DOCK10: variants seen among roughly 807,000 people sequenced by gnomAD.
DOCK10 encodes dedicator of cytokinesis protein 10.
A neutral mutation model predicts 280.1 loss-of-function variants in DOCK10; 145 were observed. The observed-to-expected ratio is 0.52, with a 90% confidence interval of 0.45 to 0.59. DOCK10 has a LOEUF of 0.59. DOCK10 is among the 20% of genes least tolerant of loss of function. The pLI is 0.00. For missense variants in DOCK10, 2,368 were observed against 2,651.7 expected (o/e 0.89, Z 2.35); for synonymous variants, 915 against 942.2 (o/e 0.97, Z 0.53).
chr2:224,953,079 CAT>C (rs1197158365), intron 1 of DOCK10, among the ~76,000 whole-genome samples: 2 of 151,912 alleles, frequency 1.3e-5, no homozygotes, highest in African/African-American at 2.4e-5. Context: ...GTAACAGAAA[CAT>C]AGTGCTTAAG....
intron 47 of DOCK10, among the ~76,000 whole-genome samples, chr2:224,790,110 T>C (rs1692062329): frequency 6.6e-6 from 1 of 152,204 alleles, no homozygotes; most frequent in Admixed American, 6.5e-5. Flanking sequence ...TCTTTTACAT[T>C]ATGTAGAAAC....
At chr2:224,836,364 G>T (rs962011135) in intron 25 of DOCK10, among the ~76,000 whole-genome samples, 3 of 152,120 alleles carry the variant, frequency 2.0e-5, no homozygotes, top group African/African-American at 7.2e-5. Flanking sequence ...GGATCTTATT[G>T]GGTAAAATTA....
At chr2:224,798,114 G>A (rs1692713158) in intron 41 of DOCK10, 145 bp from the exon 42 acceptor site, 2 of 759,376 alleles carry the variant, frequency 2.6e-6, no homozygotes, top group South Asian at 1.8e-5. Context: ...CACAGTTCAT[G>A]TTTACTGTGA....
intron 1 of DOCK10, among the ~76,000 whole-genome samples, chr2:224,999,694 C>T (rs2126282511): frequency 7.0e-6 from 1 of 143,576 alleles, no homozygotes; most frequent in African/African-American, 2.6e-5. Context: ...GGAAAATATC[C>T]ATAAACACTA....
intron 50 of DOCK10, among the ~76,000 whole-genome samples, chr2:224,784,433 G>T (rs1691589739): frequency 1.3e-5 from 2 of 152,082 alleles, no homozygotes; most frequent in South Asian, 4.1e-4. Context: ...TAAGATACGT[G>T]GTACCCATAC....
At chr2:224,980,259 G>A (rs1705676137) in intron 1 of DOCK10, among the ~76,000 whole-genome samples, 1 of 152,156 alleles carries the variant, frequency 6.6e-6, no homozygotes, top group Non-Finnish European at 1.5e-5. Flanking sequence ...AGAGTCTTTG[G>A]GGTCAAGAGC....
intron 19 of DOCK10, among the ~76,000 whole-genome samples, chr2:224,846,391 A>G (rs1004380915): frequency 2.0e-5 from 3 of 152,148 alleles, no homozygotes; most frequent in Non-Finnish European, 2.9e-5. Flanking sequence ...TTGGCAGTTC[A>G]TTAGAAATGC....
At chr2:224,859,710 A>G (rs1393636928) in intron 14 of DOCK10, among the ~76,000 whole-genome samples, 3 of 152,198 alleles carry the variant, frequency 2.0e-5, no homozygotes, top group African/African-American at 4.8e-5. Flanking sequence ...CTTAGGGCAC[A>G]CTGAAATCTA....
At chr2:224,902,011 C>A (rs903580194) in intron 3 of DOCK10, among the ~76,000 whole-genome samples, 2 of 152,142 alleles carry the variant, frequency 1.3e-5, no homozygotes, top group African/African-American at 4.8e-5. Flanking sequence ...CTGGAAATGA[C>A]AACAAATGAT....
intron 27 of DOCK10, among the ~76,000 whole-genome samples, chr2:224,824,978 A>ATTT (rs10563888): frequency 1.6e-5 from 2 of 126,958 alleles, no homozygotes; most frequent in African/African-American, 3.0e-5. Flanking sequence ...GCTGGCTTCT[A>ATTT]TTTTTTTTTT....
intron 28 of DOCK10, among the ~76,000 whole-genome samples, chr2:224,822,996 CTT>C (rs750802136): frequency 2.1e-5 from 3 of 141,024 alleles, no homozygotes; most frequent in Non-Finnish European, 1.6e-5. Flanking sequence ...TTCTTCCTGT[CTT>C]TTTTTTTTTT....
At chr2:225,003,551 T>A (rs1281639875) in intron 1 of DOCK10, among the ~76,000 whole-genome samples, 1 of 152,196 alleles carries the variant, frequency 6.6e-6, no homozygotes, top group East Asian at 1.9e-4. Flanking sequence ...TGTGTTGACT[T>A]CATGTTTGAC....
chr2:224,970,219 T>C lies in DOCK10; in HGVS notation c.124-38551A>G, dbSNP rs1000243514. 3.9e-5 allele frequency among the ~76,000 whole-genome samples: 6 copies of C among 152,238 alleles called. No individual in the cohort carries two copies. Among genetic ancestry groups the C allele is most frequent in the African/African-American group, 1.4e-4 (6 of 41,474 alleles). ...GAAGTAATTACTTAAATTTCTATGA[T>C]GCAGGTGGGCAGCAGGTATTTTCCT... On this transcript the variant is annotated intron_variant, in intron 1 of 55. Coordinates refer to ENST00000258390, the MANE Select transcript of DOCK10 (RefSeq NM_014689.3). The surrounding 1 kb of genome is among the most constrained non-coding windows in gnomAD (Gnocchi z 4.6).
intron 4 of DOCK10, among the ~76,000 whole-genome samples, chr2:224,888,581 A>G (rs1699459056): frequency 6.6e-6 from 1 of 151,762 alleles, no homozygotes. Context: ...GTATGTATAT[A>G]CGTGTGTGAA....
intron 1 of DOCK10, among the ~76,000 whole-genome samples, chr2:225,032,835 T>A (rs1690118881): frequency 6.6e-6 from 1 of 152,226 alleles, no homozygotes; most frequent in Non-Finnish European, 1.5e-5. Flanking sequence ...CCAAGTCAAA[T>A]GTTCATGTCT....
chr2:225,020,057 G>A (rs1029916825), intron 1 of DOCK10, among the ~76,000 whole-genome samples: 9 of 152,072 alleles, frequency 5.9e-5, no homozygotes, highest in African/African-American at 2.2e-4. Context: ...ATTTGTCTTT[G>A]TAGACAGAAC....
chr2:224,856,230 G>T lies in DOCK10; in HGVS notation c.1808+630C>A, dbSNP rs1574945804. On this transcript the variant is annotated intron_variant, in intron 15 of 55. Coordinates refer to ENST00000258390, the MANE Select transcript of DOCK10 (RefSeq NM_014689.3). The stretch of plus-strand genomic sequence containing the variant: ...AGCGTTGCATTGTGTATTCTAGGGT[G>T]CCCCCTTAAATTAGACAGTAATAAT... 3.3e-5 allele frequency among the ~76,000 whole-genome samples: 5 copies of T among 152,290 alleles called. 1 individual carries two copies. The South Asian group carries it at 1.0e-3, about 32-fold the overall frequency.
intron 4 of DOCK10, among the ~76,000 whole-genome samples, chr2:224,892,427 G>GAAAGAAAGAAAAGAAAAGA (rs1699745040): frequency 9.6e-5 from 9 of 93,966 alleles, no homozygotes; most frequent in African/African-American, 6.2e-4. Flanking sequence ...AAAAAAGAAA[G>GAAAGAAAGAAAAGAAAAGA]AAAGAAAAGA....
intron 22 of DOCK10, among the ~76,000 whole-genome samples, 163 bp from the exon 23 acceptor site, chr2:224,842,059 T>C (rs74947354): frequency 3.3e-5 from 5 of 152,236 alleles, no homozygotes; most frequent in African/African-American, 4.8e-5. Context: ...TGGACATTTC[T>C]GGCCTAGTGA....
Sources: gnomAD v4.1 joint callset for allele counts (sites outside exome capture counted in the v4.1 genomes callset) on GRCh38, gnomAD v4.1.1 for gene constraint, Gnocchi (gnomAD v3.1) non-coding constraint, MANE v1.5 for transcripts, NCBI Gene and HGNC (gene_info 2026-07-23, HGNC 2026-07-21) for gene names.